GLIS3: variants seen among roughly 807,000 people sequenced by gnomAD.
GLIS3 encodes GLIS family zinc finger 3.
In GLIS3, 53 loss-of-function variants were observed where a neutral mutation model predicts 78.6. The ratio of observed to expected loss-of-function variants is 0.67; its 90% CI spans 0.54 to 0.85. GLIS3 has a LOEUF of 0.85. GLIS3 is among the 40% of genes least tolerant of loss of function. The probability of loss-of-function intolerance (pLI) is 0.00; values close to 1 mark genes in which losing one functional copy is unlikely to be tolerated. For synonymous variants in GLIS3, 684 were observed against 509.9 expected (o/e 1.34, Z -4.60); for missense variants, 1,703 against 1,231.1 (o/e 1.38, Z -5.74).
intron 4 of GLIS3, among the ~76,000 whole-genome samples, chr9:4,076,688 T>G (rs2130670234): frequency 6.6e-6 from 1 of 152,342 alleles, no homozygotes; most frequent in African/African-American, 2.4e-5. Flanking sequence ...TACTAAAAAA[T>G]GAATGTTTCT....
intron 9 of GLIS3, among the ~76,000 whole-genome samples, chr9:3,839,082 A>C (rs1439707641): frequency 6.6e-6 from 1 of 152,164 alleles, no homozygotes; most frequent in Admixed American, 6.5e-5. Flanking sequence ...ATACCATAAA[A>C]ATTTCTTCTT....
At chr9:4,483,490 T>C in the GLIS3 span, among the ~76,000 whole-genome samples, 17 of 151,964 alleles carry the variant, frequency 1.1e-4, no homozygotes, top group East Asian at 2.7e-3. Flanking sequence ...GAGGCCAAGG[T>C]GGGCAGATCA....
intron 4 of GLIS3, among the ~76,000 whole-genome samples, chr9:4,052,741 G>A (rs1310849960): frequency 6.6e-6 from 1 of 152,124 alleles, no homozygotes; most frequent in Non-Finnish European, 1.5e-5. Flanking sequence ...CATTTGAGTT[G>A]TTTCCATCTT....
intron 4 of GLIS3, among the ~76,000 whole-genome samples, chr9:3,984,179 G>A (rs573105440): frequency 1.1e-4 from 17 of 152,358 alleles, no homozygotes; most frequent in Admixed American, 9.1e-4. Flanking sequence ...TAGCAGAGTT[G>A]TGAGAAGATG....
At chr9:3,981,379 G>C (rs952750713) in intron 4 of GLIS3, among the ~76,000 whole-genome samples, 1 of 152,142 alleles carries the variant, frequency 6.6e-6, no homozygotes, top group Non-Finnish European at 1.5e-5. Context: ...CCTGACTCTA[G>C]CTTCCAAGGC....
chr9:4,135,934 C>A (rs559475893), intron 2 of GLIS3, among the ~76,000 whole-genome samples: 2 of 152,288 alleles, frequency 1.3e-5, no homozygotes, highest in East Asian at 3.9e-4. Context: ...CATAATATTT[C>A]ACTGCTGAGA....
intron 2 of GLIS3, among the ~76,000 whole-genome samples, chr9:4,191,248 G>A (rs2064983): frequency 0.27 from 40,727 of 151,534 alleles, 6,649 homozygotes; most frequent in South Asian, 0.48. Flanking sequence ...CAAATTGTAT[G>A]AAGAGTCAAG....
chr9:4,262,180 A>T (rs7040267), intron 2 of GLIS3, among the ~76,000 whole-genome samples: 57,081 of 151,882 alleles, frequency 0.38, 10,894 homozygotes, highest in Admixed American at 0.42. Flanking sequence ...AGAAAAAGGA[A>T]AAGGAGACGG....
chr9:4,329,410 A>G (rs1817650461), intron 2 of GLIS3, among the ~76,000 whole-genome samples: 1 of 152,092 alleles, frequency 6.6e-6, no homozygotes, highest in Non-Finnish European at 1.5e-5. Flanking sequence ...GAAAAAAAAG[A>G]TACCTCCAAA....
At chr9:4,071,255 T>A (rs564711363) in intron 4 of GLIS3, 1 of 152,130 alleles carries the variant, frequency 6.6e-6, no homozygotes, top group African/African-American at 2.4e-5. Flanking sequence ...TATGTAACCA[T>A]TGGGCCAATG....
chr9:3,854,232 T>G (rs984415719), intron 9 of GLIS3, among the ~76,000 whole-genome samples: 1 of 152,228 alleles, frequency 6.6e-6, no homozygotes, highest in Non-Finnish European at 1.5e-5. Context: ...GTCTTTTGCA[T>G]GCCTTGATGC....
the GLIS3 span, among the ~76,000 whole-genome samples, chr9:4,429,779 G>A: frequency 1.3e-5 from 2 of 152,092 alleles, no homozygotes; most frequent in Admixed American, 6.6e-5. Context: ...GAGAAGTGAC[G>A]AAACTGTATG....
At chr9:4,350,894 C>T (rs114230473), upstream of GLIS3, among the ~76,000 whole-genome samples, 3,398 of 152,258 alleles carry the variant, frequency 0.022, 132 homozygotes, top group African/African-American at 0.077. Flanking sequence ...GAACCAGCTA[C>T]GTAATTTTGG....
At position 3,927,765 on chromosome 9, in the gene GLIS3, C is replaced by T. The variant is rs537628616; in HGVS notation, c.1983+4595G>A. Among the ~76,000 whole-genome samples the T allele has an allele frequency of 3.3e-5, 5 of 152,308 alleles. No homozygotes were observed. In the South Asian group the frequency reaches 8.3e-4, roughly 25 times the overall value. ...AATGGCTCCCATCACTATGTAGCATCAAAATGCTCTGGAAAGCATAGCTGG... is the reference window on the plus strand; with the variant it reads ...AATGGCTCCCATCACTATGTAGCATTAAAATGCTCTGGAAAGCATAGCTGG... On this transcript the variant is annotated intron_variant, in intron 6 of 10. Transcript: ENST00000381971.
chr9:4,247,104 C>T (rs1587133056), intron 2 of GLIS3, among the ~76,000 whole-genome samples: 1 of 152,140 alleles, frequency 6.6e-6, no homozygotes, highest in Non-Finnish European at 1.5e-5. Flanking sequence ...CTTGGTCTTC[C>T]TGAGTTCGGT....
chr9:4,306,837 C>T (rs1817238406), intron 4 of GLIS3, among the ~76,000 whole-genome samples: 3 of 152,218 alleles, frequency 2.0e-5, no homozygotes, highest in Non-Finnish European at 4.4e-5. Context: ...TATAGATACC[C>T]CTTGCTGATA....
chr9:4,462,411 A>G, the GLIS3 span, among the ~76,000 whole-genome samples: 1 of 152,172 alleles, frequency 6.6e-6, no homozygotes, highest in African/African-American at 2.4e-5. Flanking sequence ...ACTGAGTCAC[A>G]TGTGGCACAA....
chr9:4,463,717 G>C, the GLIS3 span, among the ~76,000 whole-genome samples: 1 of 152,164 alleles, frequency 6.6e-6, no homozygotes, highest in Non-Finnish European at 1.5e-5. Flanking sequence ...CAAAGATGCA[G>C]GATGCCTTTT....
chr9:3,905,714 A>G (rs761592141), intron 6 of GLIS3, among the ~76,000 whole-genome samples: 59 of 152,246 alleles, frequency 3.9e-4, no homozygotes, highest in Non-Finnish European at 7.4e-4. Context: ...CTGATCCTGA[A>G]TGAGATGATC....
Sources: allele counts gnomAD v4.1 joint callset (sites outside exome capture counted in the v4.1 genomes callset), GRCh38; gene constraint gnomAD v4.1.1; transcripts MANE v1.5; gene names NCBI Gene and HGNC (gene_info 2026-07-23, HGNC 2026-07-21).